TMEM117: variants seen among roughly 807,000 people sequenced by gnomAD.
TMEM117 encodes the protein transmembrane protein 117.
A neutral mutation model predicts 52.4 loss-of-function variants in TMEM117; 27 were observed. The observed-to-expected ratio is 0.51, with a 90% CI of 0.38 to 0.71. The LOEUF is 0.71. Ranked by LOEUF, TMEM117 falls within the 30% of genes least tolerant of loss-of-function variation. The probability of loss-of-function intolerance (pLI) is 0.00; values close to 1 mark genes in which losing one functional copy is unlikely to be tolerated. For synonymous variants in TMEM117, 215 were observed against 206.3 expected, an observed-to-expected ratio of 1.04 and a Z score of -0.36; for missense variants, 556 against 630.5, an observed-to-expected ratio of 0.88 and a Z score of 1.26.
intron 2 of TMEM117, among the ~76,000 whole-genome samples, chr12:43,894,220 G>A (rs747441045): frequency 2.2e-4 from 33 of 152,162 alleles, no homozygotes; most frequent in Admixed American, 2.0e-4. Context: ...AGCTACCAAA[G>A]CATACTCCCT....
At chr12:44,258,299 A>G (rs1184732493) in intron 5 of TMEM117, among the ~76,000 whole-genome samples, 2 of 152,124 alleles carry the variant, frequency 1.3e-5, no homozygotes, top group Non-Finnish European at 2.9e-5. Context: ...CTCTTACCTC[A>G]GGTAATTACT....
chr12:44,115,132 T>G (rs1948117248), intron 3 of TMEM117, among the ~76,000 whole-genome samples: 1 of 152,218 alleles, frequency 6.6e-6, no homozygotes, highest in African/African-American at 2.4e-5. Flanking sequence ...GCCAATCCTT[T>G]AAAATCCTCT....
intron 3 of TMEM117, among the ~76,000 whole-genome samples, chr12:44,069,751 C>T (rs1487198731): frequency 6.6e-6 from 1 of 152,212 alleles, no homozygotes; most frequent in Non-Finnish European, 1.5e-5. Flanking sequence ...CTGTAAGCAA[C>T]AAAATATCTG....
Position 44,299,757 on chromosome 12 carries a change from C to T in TMEM117, c.768+18C>T. ...TGATGCAGGTAAGTGTATTTCCCTC[C>T]CCTCAGTGAAGCTGCTGCATGCTCT... On this transcript the variant is annotated intron_variant, in intron 6 of 7. Transcript: ENST00000266534. 6.2e-7 allele frequency: 1 copy of T among 1,613,332 alleles called. No homozygotes were observed. The highest frequency in any genetic ancestry group is 1.1e-5 in the South Asian group (1 of 91,014).
At chr12:44,203,651 T>C (rs1949526978) in intron 4 of TMEM117, among the ~76,000 whole-genome samples, 1 of 152,216 alleles carries the variant, frequency 6.6e-6, no homozygotes, top group Admixed American at 6.5e-5. Context: ...ATGCTCTTTC[T>C]TTGTCTTCAT....
At chr12:44,036,659 T>C (rs1199448363) in intron 3 of TMEM117, among the ~76,000 whole-genome samples, 1 of 152,220 alleles carries the variant, frequency 6.6e-6, no homozygotes, top group Non-Finnish European at 1.5e-5. Context: ...TTGTTTGTAG[T>C]TTTCTTGCCA....
the TMEM117 span, chr12:43,797,935 C>T: frequency 1.7e-6 from 2 of 1,199,138 alleles, no homozygotes; most frequent in Non-Finnish European, 2.3e-6. Flanking sequence ...TCAACCCTAG[C>T]CCAACCTATA....
intron 3 of TMEM117, among the ~76,000 whole-genome samples, chr12:44,085,578 A>G (rs1947553414): frequency 6.6e-6 from 1 of 152,210 alleles, no homozygotes; most frequent in African/African-American, 2.4e-5. Flanking sequence ...TCAAGAGTCC[A>G]TTTTCAGCAA....
At chr12:43,923,350 A>C (rs11182331) in intron 2 of TMEM117, among the ~76,000 whole-genome samples, 1,772 of 152,330 alleles carry the variant, frequency 0.012, 42 homozygotes, top group East Asian at 0.069. Flanking sequence ...TGCATTTAAT[A>C]GCTACCTAAA....
the TMEM117 span, among the ~76,000 whole-genome samples, chr12:44,396,913 A>G: frequency 6.6e-6 from 1 of 152,146 alleles, no homozygotes; most frequent in African/African-American, 2.4e-5. Flanking sequence ...AATATTCTCA[A>G]ATTATCTGAT....
intron 3 of TMEM117, among the ~76,000 whole-genome samples, chr12:43,996,244 AT>A (rs1260570429): frequency 2.6e-5 from 4 of 152,212 alleles, no homozygotes; most frequent in Non-Finnish European, 5.9e-5. Flanking sequence ...TTTGGTATAT[AT>A]TATGCTTTCT....
chr12:44,123,352 G>T (rs1342638077), intron 3 of TMEM117, among the ~76,000 whole-genome samples: 4 of 151,896 alleles, frequency 2.6e-5, no homozygotes, highest in Non-Finnish European at 1.5e-5. Flanking sequence ...TAGGTTGTCT[G>T]TTTACTCTGA....
At chr12:44,023,348 G>T (rs1030844403) in intron 3 of TMEM117, among the ~76,000 whole-genome samples, 27 of 152,160 alleles carry the variant, frequency 1.8e-4, no homozygotes, top group African/African-American at 6.3e-4. Flanking sequence ...CCAGTAATGG[G>T]ATGGCTGGGT....
intron 2 of TMEM117, among the ~76,000 whole-genome samples, chr12:43,881,246 G>T (rs1237328581): frequency 6.6e-6 from 1 of 152,154 alleles, no homozygotes. Flanking sequence ...TTATTATGCA[G>T]TCCAAAGATT....
At chr12:44,346,447 T>C (rs1951488177) in intron 6 of TMEM117, among the ~76,000 whole-genome samples, 1 of 152,094 alleles carries the variant, frequency 6.6e-6, no homozygotes, top group Non-Finnish European at 1.5e-5. Context: ...ACAGGAAACA[T>C]GCAGCACACA....
At chr12:43,826,659 G>A in the TMEM117 span, among the ~76,000 whole-genome samples, 1 of 152,196 alleles carries the variant, frequency 6.6e-6, no homozygotes. Flanking sequence ...TTCAGAGATT[G>A]TGTAGTCCAA....
intron 5 of TMEM117, among the ~76,000 whole-genome samples, chr12:44,296,539 G>C (rs961446358): frequency 1.3e-5 from 2 of 152,194 alleles, no homozygotes; most frequent in Non-Finnish European, 2.9e-5. Flanking sequence ...GGATAAGCAT[G>C]TTTCCTATAA....
intron 5 of TMEM117, among the ~76,000 whole-genome samples, chr12:44,296,810 T>C (rs1443352735): frequency 6.6e-6 from 1 of 152,150 alleles, no homozygotes; most frequent in East Asian, 1.9e-4. Flanking sequence ...ACAAAGTGCA[T>C]GTGGGCATGA....
At chr12:44,225,945 T>G (rs990551882) in intron 5 of TMEM117, among the ~76,000 whole-genome samples, 3 of 152,158 alleles carry the variant, frequency 2.0e-5, no homozygotes, top group Non-Finnish European at 4.4e-5. Flanking sequence ...GTGAGATAGA[T>G]GTTACAATCA....
Sources: allele counts gnomAD v4.1 joint callset (sites outside exome capture counted in the v4.1 genomes callset), GRCh38; gene constraint gnomAD v4.1.1; transcripts MANE v1.5; gene names NCBI Gene and HGNC (gene_info 2026-07-23, HGNC 2026-07-21).